KIF9: variants seen among roughly 807,000 people sequenced by gnomAD.
The protein encoded by KIF9 is kinesin family member 9.
KIF9 carries 68 observed loss-of-function variants against 94.8 expected under a neutral mutation model. That is an observed-to-expected ratio of 0.72 (90% CI 0.59 to 0.88). The LOEUF is 0.88. KIF9 is among the 40% of genes least tolerant of loss of function. The probability of loss-of-function intolerance (pLI) is 0.00; values close to 1 mark genes in which losing one functional copy is unlikely to be tolerated. For missense variants in KIF9, 882 were observed against 982.5 expected (o/e 0.90, Z 1.37); for synonymous variants, 343 against 362.1 (o/e 0.95, Z 0.60).
At chr3:47,275,888 C>T (rs1025965228) in intron 2 of KIF9, among the ~76,000 whole-genome samples, 3 of 152,282 alleles carry the variant, frequency 2.0e-5, no homozygotes, top group South Asian at 2.1e-4. Flanking sequence ...GGCCTGGGCT[C>T]CAGCCTCATT....
intron 20 of KIF9, among the ~76,000 whole-genome samples, chr3:47,232,474 G>A (rs547578205): frequency 5.6e-4 from 85 of 151,492 alleles, no homozygotes; most frequent in African/African-American, 1.8e-3. Context: ...TAGTAGAGAC[G>A]AGGTTTCACC....
At position 47,280,869 on chromosome 3, in the gene KIF9, T is replaced by C. The variant is rs1702287229; in HGVS notation, c.-6+1626A>G. On this transcript the variant is annotated intron_variant, in intron 1 of 20. Coordinates refer to ENST00000684063, the MANE Select transcript of KIF9 (RefSeq NM_182902.4). ...TATCCACCTGCAATAAAGTCTTCCT[T>C]TGCACACCCGTCTTGTGAGCCTGCT... 27 of 702,038 alleles carry C rather than the reference T, an allele frequency of 3.8e-5. 1 individual carries two copies. The highest frequency in any genetic ancestry group is 3.7e-4 in the South Asian group (25 of 67,542). The allele number at this position is 702,038 out of a possible 1,614,324, so 43.5% of individuals were successfully genotyped here. A position where few individuals can be genotyped will look rare whatever the true frequency, so the allele number is the denominator to read the frequency against.
At chr3:47,276,951 C>A in intron 2 of KIF9, 1 of 167,388 alleles carries the variant, frequency 6.0e-6, no homozygotes, top group Non-Finnish European at 1.2e-5. Context: ...CTTACTGCAC[C>A]CCATGGGCGA....
intron 10 of KIF9, among the ~76,000 whole-genome samples, chr3:47,255,505 C>T (rs114050649): frequency 1.3e-3 from 197 of 152,166 alleles, no homozygotes; most frequent in African/African-American, 4.6e-3. Flanking sequence ...AAGCCTAGAG[C>T]ACCCAGAGTT....
intron 16 of KIF9, 123 bp downstream of exon 16, chr3:47,242,928 G>A: frequency 2.6e-6 from 2 of 774,808 alleles, no homozygotes; most frequent in East Asian, 2.7e-5. Context: ...TGGGGACTGT[G>A]CTCCTAGTCT....
At position 47,243,259 on chromosome 3, in the gene KIF9, C is replaced by G; in HGVS notation, c.1515-14G>C. 6.2e-7 allele frequency: 1 copy of G among 1,601,354 alleles called. No individual in the cohort carries two copies. The highest frequency in any genetic ancestry group is 1.1e-5 in the South Asian group (1 of 90,044). ...CTTGCCAAGGAGCTGGAAGAAGGCA[C>G]GGAAGCCCCAGGGTTCAGTCATGGA... On this transcript the variant is annotated splice_polypyrimidine_tract_variant and intron_variant, in intron 15 of 20. Coordinates refer to ENST00000684063, the MANE Select transcript of KIF9 (RefSeq NM_182902.4).
chr3:47,282,625 G>T lies in KIF9; in HGVS notation c.-136C>A. On this transcript the variant is annotated 5_prime_UTR_variant, in exon 1 of 21. Coordinates refer to ENST00000684063, the MANE Select transcript of KIF9 (RefSeq NM_182902.4). ...GGTCGCTTCCGGGGATTCCGGAAGTGTCGGGGTGGCGGAAATGAAGTCCGA... is the reference window on the plus strand; with the variant it reads ...GGTCGCTTCCGGGGATTCCGGAAGTTTCGGGGTGGCGGAAATGAAGTCCGA... 1 of 1,139,378 alleles carries T rather than the reference G, an allele frequency of 8.8e-7. No individual in the cohort carries two copies. Among genetic ancestry groups the T allele is most frequent in the Non-Finnish European group, 1.1e-6 (1 of 921,878 alleles). The allele number at this position is 1,139,378 out of a possible 1,614,324, so 70.6% of individuals were successfully genotyped here. A position where few individuals can be genotyped will look rare whatever the true frequency, so the allele number is the denominator to read the frequency against.
intron 16 of KIF9, among the ~76,000 whole-genome samples, chr3:47,242,734 T>C (rs930611111): frequency 3.3e-5 from 5 of 152,252 alleles, no homozygotes; most frequent in Non-Finnish European, 5.9e-5. Flanking sequence ...GAAGAGGTTA[T>C]ATTCTTTCAT....
Position 47,243,048 on chromosome 3 carries a change from T to C in KIF9, c.1709+3A>G, listed in dbSNP as rs755793123. The stretch of plus-strand genomic sequence containing the variant: ...GGTGCAGAAGCTAACATTAGCTGAT[T>C]ACCTAATTGGGCGTAATTCCTCCTT... On this transcript the variant is annotated splice_donor_region_variant and intron_variant, in intron 16 of 20. Transcript: ENST00000684063. The C allele has an allele frequency of 6.3e-7, 1 of 1,594,548 alleles. No homozygotes were observed. Among genetic ancestry groups the C allele is most frequent in the African/African-American group, 1.3e-5 (1 of 74,662 alleles).
chr3:47,273,314 G>A (rs1701760970), intron 4 of KIF9, among the ~76,000 whole-genome samples: 1 of 152,200 alleles, frequency 6.6e-6, no homozygotes, highest in African/African-American at 2.4e-5. Context: ...CTTCCCAAAT[G>A]AGGAAACAGG....
At chr3:47,264,121 G>C (rs1701145675) in intron 9 of KIF9, 165 bp downstream of exon 9, 1 of 619,150 alleles carries the variant, frequency 1.6e-6, no homozygotes, top group Admixed American at 2.2e-5. Flanking sequence ...GTGGATCCTA[G>C]CTCTGGGCCC....
At chr3:47,282,143 T>G in intron 1 of KIF9, 2 of 972,538 alleles carry the variant, frequency 2.1e-6, no homozygotes, top group Non-Finnish European at 1.2e-6. Context: ...TCCTCACCTG[T>G]AACACGAAGG....
intron 3 of KIF9, 113 bp downstream of exon 3, chr3:47,275,208 GAGAC>G (rs1442313648): frequency 3.7e-6 from 3 of 806,344 alleles, no homozygotes; most frequent in African/African-American, 1.8e-5. Context: ...TAAGAACATG[GAGAC>G]AGACAAACAT....
Position 47,256,292 on chromosome 3 carries a change from C to T in KIF9, c.1059+1191G>A, listed in dbSNP as rs569260594. ...AAAGTGAGGAGCGTCTCTGCCCGGC[C>T]GCCATCCCATCTAGGAAGTGAGGAG... On this transcript the variant is annotated intron_variant, in intron 10 of 20. Transcript: ENST00000684063. Among the ~76,000 whole-genome samples the T allele has an allele frequency of 1.5e-3, 228 of 151,788 alleles. 1 individual carries two copies. The highest frequency in any genetic ancestry group is 6.8e-3 in the Middle Eastern group (2 of 294).
intron 5 of KIF9, among the ~76,000 whole-genome samples, chr3:47,268,781 C>T (rs1037131799): frequency 5.9e-5 from 9 of 151,902 alleles, no homozygotes; most frequent in Non-Finnish European, 1.3e-4. Flanking sequence ...GACAGGGTTT[C>T]GCCATGTTGC....
intron 20 of KIF9, 130 bp downstream of exon 20, chr3:47,235,383 T>G: frequency 1.5e-6 from 1 of 688,236 alleles, no homozygotes; most frequent in Non-Finnish European, 2.5e-6. Context: ...AGACACCCAC[T>G]GACTGAGGGT....
intron 9 of KIF9, among the ~76,000 whole-genome samples, chr3:47,260,072 C>CGGTATGCTTCATCT (rs1700866767): frequency 8.0e-6 from 1 of 124,638 alleles, no homozygotes; most frequent in Non-Finnish European, 1.7e-5. Context: ...GGTATAAAAC[C>CGGTATGCTTCATCT]CGATTGTATG....
At chr3:47,253,824 T>C (rs1348957972) in intron 10 of KIF9, among the ~76,000 whole-genome samples, 1 of 152,220 alleles carries the variant, frequency 6.6e-6, no homozygotes, top group Non-Finnish European at 1.5e-5. Flanking sequence ...TTTGCTATTA[T>C]AGTAAGTACT....
intron 20 of KIF9, 70 bp downstream of exon 20, chr3:47,235,443 G>C: frequency 2.8e-6 from 3 of 1,057,740 alleles, no homozygotes; most frequent in Non-Finnish European, 4.4e-6. Flanking sequence ...CTCTAAAGTA[G>C]GGAATATGAT....
Sources: allele counts gnomAD v4.1 joint callset (sites outside exome capture counted in the v4.1 genomes callset), GRCh38; gene constraint gnomAD v4.1.1; transcripts MANE v1.5; gene names NCBI Gene and HGNC (gene_info 2026-07-23, HGNC 2026-07-21).